ANKS1B: variants seen among roughly 807,000 people sequenced by gnomAD.
The protein encoded by ANKS1B is ankyrin repeat and sterile alpha motif domain containing 1B, also known as ankyrin repeat and sterile alpha motif domain-containing protein 1B.
Under a neutral mutation model 148.3 loss-of-function variants are expected in ANKS1B, and 36 were observed. The observed-to-expected ratio is 0.24, with a 90% CI of 0.19 to 0.32. The LOEUF (loss-of-function observed/expected upper bound fraction) is 0.32. Ranked by LOEUF, ANKS1B falls within the 10% of genes least tolerant of loss-of-function variation. The probability of loss-of-function intolerance (pLI) is 1.00; values close to 1 mark genes in which losing one functional copy is unlikely to be tolerated. For missense variants in ANKS1B, 1,157 were observed against 1,542.6 expected, an observed-to-expected ratio of 0.75 and a Z score of 4.19; for synonymous variants, 542 against 560.8, an observed-to-expected ratio of 0.97 and a Z score of 0.47.
intron 1 of ANKS1B, among the ~76,000 whole-genome samples, chr12:99,950,571 GTTA>G (rs2095192869): frequency 1.3e-5 from 2 of 151,986 alleles, no homozygotes; most frequent in Admixed American, 1.3e-4. Flanking sequence ...TTATAAAAAT[GTTA>G]TTTTCTGAAG....
At chr12:99,893,857 T>A (rs567282017) in intron 1 of ANKS1B, among the ~76,000 whole-genome samples, 4 of 152,254 alleles carry the variant, frequency 2.6e-5, no homozygotes, top group African/African-American at 9.6e-5. Context: ...CCATGGTGAA[T>A]ATATACCACA....
At chr12:99,183,913 T>C (rs1173592535) in intron 14 of ANKS1B, among the ~76,000 whole-genome samples, 3 of 152,170 alleles carry the variant, frequency 2.0e-5, no homozygotes, top group African/African-American at 4.8e-5. Flanking sequence ...TAATATTATA[T>C]ACAAAGGAGG....
intron 12 of ANKS1B, among the ~76,000 whole-genome samples, chr12:99,366,405 C>A (rs951820184): frequency 6.6e-6 from 1 of 152,184 alleles, no homozygotes; most frequent in Non-Finnish European, 1.5e-5. Context: ...TATGGCTCCT[C>A]TATTATTTCA....
At chr12:99,285,534 TC>T (rs2079015553) in intron 12 of ANKS1B, among the ~76,000 whole-genome samples, 5 of 152,230 alleles carry the variant, frequency 3.3e-5, no homozygotes, top group Admixed American at 2.6e-4. Flanking sequence ...AATAGAACTT[TC>T]CAGCAATTGT....
intron 24 of ANKS1B, among the ~76,000 whole-genome samples, chr12:98,778,876 C>T (rs2153505795): frequency 6.6e-6 from 1 of 152,338 alleles, no homozygotes; most frequent in Non-Finnish European, 1.5e-5. Flanking sequence ...CCCTGAGTCA[C>T]CCACACTCTC....
rs1227331397 is a variant in ANKS1B at position 99,782,015 on chromosome 12, T to C, written c.745+7A>G. The stretch of plus-strand genomic sequence containing the variant: ...GGATAAGCTCCATGCAGAATCACAA[T>C]AGTTACCTGTTTCTAACAGAACTCG... On this transcript the variant is annotated splice_region_variant and intron_variant, in intron 5 of 26. Coordinates refer to ENST00000683438, the MANE Select transcript of ANKS1B (RefSeq NM_001352186.2). 3 of 1,594,510 alleles carry C rather than the reference T, an allele frequency of 1.9e-6. No individual in the cohort carries two copies. The highest frequency in any genetic ancestry group is 1.7e-4 in the Middle Eastern group (1 of 6,040).
intron 1 of ANKS1B, among the ~76,000 whole-genome samples, chr12:99,968,356 G>C (rs2095514583): frequency 6.6e-6 from 1 of 152,092 alleles, no homozygotes; most frequent in Non-Finnish European, 1.5e-5. Flanking sequence ...AGGAAATCGA[G>C]ACCATTTGGC....
chr12:99,220,429 A>G (rs73377351), intron 14 of ANKS1B, among the ~76,000 whole-genome samples: 4,107 of 151,450 alleles, frequency 0.027, 190 homozygotes, highest in African/African-American at 0.094. Context: ...GGCATCAAGC[A>G]TACAATAAAA....
rs144164931 is a variant in ANKS1B at position 99,380,754 on chromosome 12, C to CTCCTTCCTTCCTTCCT, written c.1756+18861_1756+18876dup. On this transcript the variant is annotated intron_variant, in intron 12 of 26. Coordinates refer to ENST00000683438, the MANE Select transcript of ANKS1B (RefSeq NM_001352186.2). ...AATTCTTGTTGATCAGTTTCCTTTC[C>CTCCTTCCTTCCTTCCT]TCCTTCCTTCCTTCCTTCCTTCCTT... 6.3e-3 allele frequency among the ~76,000 whole-genome samples: 840 copies of CTCCTTCCTTCCTTCCT among 132,796 alleles called. 13 individuals carry two copies. Among genetic ancestry groups the CTCCTTCCTTCCTTCCT allele is most frequent in the African/African-American group, 0.022 (746 of 33,882 alleles). The allele number at this position is 132,796 out of a possible 152,430, so 87.1% of individuals were successfully genotyped here. A position where few individuals can be genotyped will look rare whatever the true frequency, so the allele number is the denominator to read the frequency against.
chr12:99,983,883 C>T (rs996793601), intron 1 of ANKS1B, among the ~76,000 whole-genome samples: 1 of 152,160 alleles, frequency 6.6e-6, no homozygotes, highest in African/African-American at 2.4e-5. Flanking sequence ...AGCTTACTGA[C>T]GCATTGATGG....
At chr12:99,347,037 A>G (rs1191966528) in intron 12 of ANKS1B, among the ~76,000 whole-genome samples, 1 of 151,978 alleles carries the variant, frequency 6.6e-6, no homozygotes, top group East Asian at 1.9e-4. Flanking sequence ...TACCAGAGGG[A>G]GCAGAACAGA....
At chr12:99,878,211 G>A (rs2092254031) in intron 1 of ANKS1B, among the ~76,000 whole-genome samples, 1 of 152,150 alleles carries the variant, frequency 6.6e-6, no homozygotes, top group African/African-American at 2.4e-5. Context: ...TGTAGCTCCA[G>A]ACATCTTGTT....
chr12:98,958,090 A>G (rs1018728873), intron 17 of ANKS1B, among the ~76,000 whole-genome samples: 2 of 152,240 alleles, frequency 1.3e-5, no homozygotes, highest in Admixed American at 1.3e-4. Context: ...CTTTACGCTC[A>G]GGTTGAGAAA....
chr12:99,158,646 C>T (rs1328741421), intron 14 of ANKS1B, among the ~76,000 whole-genome samples: 1 of 152,126 alleles, frequency 6.6e-6, no homozygotes, highest in Non-Finnish European at 1.5e-5. Flanking sequence ...AAAGTCTTTG[C>T]AAAGTGTCCT....
chr12:99,411,701 A>C (rs573778911), intron 11 of ANKS1B, among the ~76,000 whole-genome samples: 3 of 152,294 alleles, frequency 2.0e-5, no homozygotes, highest in Admixed American at 2.0e-4. Context: ...CATATACTAA[A>C]TTTCCAAATA....
At chr12:99,450,056 C>G (rs1449293168) in intron 10 of ANKS1B, among the ~76,000 whole-genome samples, 1 of 152,056 alleles carries the variant, frequency 6.6e-6, no homozygotes, top group East Asian at 1.9e-4. Context: ...ATGTGTAGTT[C>G]CATTGTAAAT....
At chr12:98,973,945 C>A (rs1284102111) in intron 17 of ANKS1B, among the ~76,000 whole-genome samples, 1 of 151,618 alleles carries the variant, frequency 6.6e-6, no homozygotes, top group African/African-American at 2.4e-5. Flanking sequence ...TATGAAAAAA[C>A]AGTACATATA....
intron 1 of ANKS1B, among the ~76,000 whole-genome samples, chr12:99,882,477 C>T (rs1006637808): frequency 2.0e-5 from 3 of 152,068 alleles, no homozygotes; most frequent in African/African-American, 7.2e-5. Context: ...AATCAAACTT[C>T]TAAAAATTAC....
chr12:99,360,416 T>C (rs1269404337), intron 12 of ANKS1B, among the ~76,000 whole-genome samples: 2 of 152,136 alleles, frequency 1.3e-5, no homozygotes, highest in Non-Finnish European at 2.9e-5. Context: ...TATCGAATAC[T>C]AAATAATATA....
Sources: allele counts gnomAD v4.1 joint callset (sites outside exome capture counted in the v4.1 genomes callset), GRCh38; gene constraint gnomAD v4.1.1; transcripts MANE v1.5; gene names NCBI Gene and HGNC (gene_info 2026-07-23, HGNC 2026-07-21).